LSAMP: variants seen among roughly 807,000 people sequenced by gnomAD.
The protein encoded by LSAMP is limbic system associated membrane protein.
In LSAMP, 7 loss-of-function variants were observed where a neutral mutation model predicts 38.6. That is an observed-to-expected ratio of 0.18 (90% CI 0.10 to 0.34). The LOEUF (loss-of-function observed/expected upper bound fraction) is 0.34. Among genes scored for constraint, LSAMP ranks in the 10% least tolerant of loss-of-function variants. The pLI, the probability that LSAMP is intolerant of heterozygous loss-of-function variation, is 1.00. For missense variants in LSAMP, 313 were observed against 420.0 expected, an observed-to-expected ratio of 0.75 and a Z score of 2.23; for synonymous variants, 154 against 166.8, an observed-to-expected ratio of 0.92 and a Z score of 0.59.
At chr3:115,937,395 T>C (rs1305935263) in intron 3 of LSAMP, among the ~76,000 whole-genome samples, 1 of 152,036 alleles carries the variant, frequency 6.6e-6, no homozygotes, top group African/African-American at 2.4e-5. Context: ...AATCTCAGCA[T>C]GTTGGGATGC....
chr3:116,354,040 C>T (rs186458601), intron 1 of LSAMP, among the ~76,000 whole-genome samples: 54 of 152,202 alleles, frequency 3.5e-4, no homozygotes, highest in Admixed American at 3.3e-3. Context: ...TCTGCTAAAA[C>T]CCTTCCCACA....
At chr3:116,405,858 G>A (rs1011153244) in intron 1 of LSAMP, among the ~76,000 whole-genome samples, 2 of 152,206 alleles carry the variant, frequency 1.3e-5, no homozygotes, top group Admixed American at 6.6e-5. Flanking sequence ...GGAGGTATGT[G>A]TGAACCATAG....
At chr3:116,087,352 G>A (rs887481593) in intron 1 of LSAMP, among the ~76,000 whole-genome samples, 1 of 152,136 alleles carries the variant, frequency 6.6e-6, no homozygotes, top group African/African-American at 2.4e-5. Flanking sequence ...ACTTAAAAGG[G>A]TCTCTTTCTG....
At chr3:115,905,197 T>A (rs985186266) in intron 3 of LSAMP, among the ~76,000 whole-genome samples, 2 of 152,088 alleles carry the variant, frequency 1.3e-5, no homozygotes, top group Admixed American at 1.3e-4. Context: ...TTTTAGAATA[T>A]AACCTATTTT....
Position 116,318,799 on chromosome 3 carries a change from A to C in LSAMP, c.155+126078T>G, listed in dbSNP as rs1445519073. ...TAGAAGTTTTTGGATGATAAAGCTA[A>C]TTAAATGCTGTAAGAGTAGTGATCC... On this transcript the variant is annotated intron_variant, in intron 1 of 6. Coordinates refer to ENST00000490035, the MANE Select transcript of LSAMP (RefSeq NM_002338.5). Among the ~76,000 whole-genome samples, 11 of 152,362 alleles carry C rather than the reference A, an allele frequency of 7.2e-5. No homozygotes were observed. The East Asian group carries it at 2.1e-3, about 29-fold the overall frequency.
intron 1 of LSAMP, among the ~76,000 whole-genome samples, chr3:116,109,913 G>T (rs1708560859): frequency 6.6e-6 from 1 of 151,792 alleles, no homozygotes; most frequent in Admixed American, 6.6e-5. Flanking sequence ...ACAGAGATAA[G>T]AGGATGGGGT....
chr3:115,989,012 T>C (rs1358907991), intron 3 of LSAMP, among the ~76,000 whole-genome samples: 1 of 152,122 alleles, frequency 6.6e-6, no homozygotes. Flanking sequence ...AGGAGCATAG[T>C]GATATCAAAC....
intron 1 of LSAMP, among the ~76,000 whole-genome samples, chr3:116,293,000 T>C (rs2047287653): frequency 6.6e-6 from 1 of 151,898 alleles, no homozygotes; most frequent in African/African-American, 2.4e-5. Context: ...TCTTTCTCTA[T>C]TTATTTCCTT....
intron 2 of LSAMP, among the ~76,000 whole-genome samples, chr3:116,068,579 AT>A (rs1304929653): frequency 6.6e-6 from 1 of 152,230 alleles, no homozygotes; most frequent in Non-Finnish European, 1.5e-5. Context: ...GGTCGATAAG[AT>A]TTATTGCTGT....
chr3:116,011,330 A>C (rs1336766403), intron 3 of LSAMP, among the ~76,000 whole-genome samples: 2 of 152,342 alleles, frequency 1.3e-5, no homozygotes, highest in South Asian at 4.1e-4. Context: ...AAGGTCTTGC[A>C]AGAATAAGTT....
intron 2 of LSAMP, among the ~76,000 whole-genome samples, chr3:116,067,393 C>T (rs1324906276): frequency 2.0e-5 from 3 of 152,180 alleles, no homozygotes; most frequent in Admixed American, 1.3e-4. Context: ...CATCTCATGC[C>T]TAGAGGCACT....
intron 2 of LSAMP, among the ~76,000 whole-genome samples, chr3:116,053,167 A>G (rs143538450): frequency 6.6e-6 from 1 of 152,348 alleles, no homozygotes; most frequent in East Asian, 1.9e-4. Flanking sequence ...GACTACAAGG[A>G]TGCTGTGACT....
chr3:116,023,520 G>T (rs905514342), intron 2 of LSAMP, among the ~76,000 whole-genome samples: 2 of 150,372 alleles, frequency 1.3e-5, no homozygotes, highest in African/African-American at 2.5e-5. Context: ...CAGCAGAATG[G>T]CTTGAACCCA....
intron 1 of LSAMP, among the ~76,000 whole-genome samples, chr3:116,344,067 C>T (rs1388431379): frequency 6.6e-6 from 1 of 152,070 alleles, no homozygotes; most frequent in Non-Finnish European, 1.5e-5. Flanking sequence ...ATAAGCTCAT[C>T]ATGTGGGTAC....
In LSAMP at chr3:116,264,887, AAG is replaced by A. The variant is rs2046873074; in HGVS notation, c.156-178333_156-178332del. Among the ~76,000 whole-genome samples, 3 of 152,252 alleles carry A rather than the reference AAG, an allele frequency of 2.0e-5. No individual in the cohort carries two copies. In the South Asian group the frequency reaches 6.2e-4, roughly 32 times the overall value. On this transcript the variant is annotated intron_variant, in intron 1 of 6. Coordinates refer to ENST00000490035, the MANE Select transcript of LSAMP (RefSeq NM_002338.5). Reference sequence around the variant, plus strand: ...CTCCCAAGTGCTGGGGGAAAAAAAAAAGAGTTTTCATAGAGTTCTGCCTAATC... The same window carrying A: ...CTCCCAAGTGCTGGGGGAAAAAAAAAAGTTTTCATAGAGTTCTGCCTAATC...
rs139647850 is a variant in LSAMP, at chr3:116,069,315, G to A, written c.388+17009C>T. Among the ~76,000 whole-genome samples the A allele has an allele frequency of 9.2e-5, 14 of 152,184 alleles. No homozygotes were observed. In the East Asian group the frequency reaches 1.7e-3, roughly 19 times the overall value. On this transcript the variant is annotated intron_variant, in intron 2 of 6. Transcript: ENST00000490035. ...GGCTAACTCTACCTTCACAATTTGGGGGAAGACTTTGATTATCAAGGATAT... is the reference window on the plus strand; with the variant it reads ...GGCTAACTCTACCTTCACAATTTGGAGGAAGACTTTGATTATCAAGGATAT...
At chr3:116,423,504 C>A (rs568249681) in intron 1 of LSAMP, among the ~76,000 whole-genome samples, 1 of 152,274 alleles carries the variant, frequency 6.6e-6, no homozygotes, top group African/African-American at 2.4e-5. Flanking sequence ...ATAGAGAAAG[C>A]TTTATTGGCT....
chr3:116,074,274 A>G (rs1707680446), intron 2 of LSAMP, among the ~76,000 whole-genome samples: 1 of 152,174 alleles, frequency 6.6e-6, no homozygotes, highest in African/African-American at 2.4e-5. Flanking sequence ...CCTCCCAACC[A>G]TATTGACAAG....
At chr3:116,413,476 TC>T (rs1189367035) in intron 1 of LSAMP, among the ~76,000 whole-genome samples, 1 of 152,044 alleles carries the variant, frequency 6.6e-6, no homozygotes, top group African/African-American at 2.4e-5. Context: ...TCAAAGGCTC[TC>T]CCCGTATGTT....
Sources: allele counts gnomAD v4.1 joint callset (sites outside exome capture counted in the v4.1 genomes callset), GRCh38; gene constraint gnomAD v4.1.1; transcripts MANE v1.5; gene names NCBI Gene and HGNC (gene_info 2026-07-23, HGNC 2026-07-21).